The following PTGER3 variants were observed in gnomAD, a reference collection of about 807,000 sequenced individuals.
The protein encoded by PTGER3 is prostaglandin E2 receptor EP3 subtype.
A neutral mutation model predicts 34.7 loss-of-function variants in PTGER3; 22 were observed. The ratio of observed to expected loss-of-function variants is 0.63; its 90% CI spans 0.45 to 0.91. The LOEUF is 0.91. Among genes scored for constraint, PTGER3 ranks in the 40% least tolerant of loss-of-function variants. The pLI is 0.00. For missense variants in PTGER3, 468 were observed against 519.4 expected (o/e 0.90, Z 0.96); for synonymous variants, 241 against 230.1 (o/e 1.05, Z -0.43).
At chr1:71,025,360 C>T (rs1171879016) in intron 1 of PTGER3, among the ~76,000 whole-genome samples, 2 of 151,832 alleles carry the variant, frequency 1.3e-5, no homozygotes, top group African/African-American at 2.4e-5. Flanking sequence ...AAAGGAGAAC[C>T]AAGTATTTAA....
chr1:70,904,017 G>A (rs1484023033), intron 4 of PTGER3, among the ~76,000 whole-genome samples: 2 of 152,188 alleles, frequency 1.3e-5, no homozygotes, highest in African/African-American at 4.8e-5. Context: ...CCAGTGGGAG[G>A]TGATTGAATT....
At chr1:71,004,251 AT>A (rs546758211) in intron 2 of PTGER3, among the ~76,000 whole-genome samples, 9 of 152,130 alleles carry the variant, frequency 5.9e-5, no homozygotes, top group Non-Finnish European at 8.8e-5. Context: ...TTCTAATTGT[AT>A]TTTTTTATCA....
intron 4 of PTGER3, among the ~76,000 whole-genome samples, chr1:70,937,963 C>T (rs1011346042): frequency 6.6e-5 from 10 of 152,124 alleles, no homozygotes; most frequent in South Asian, 2.1e-4. Context: ...AGAGTATTGG[C>T]CTTTATTTTG....
At chr1:71,000,856 C>G (rs1016011519) in intron 2 of PTGER3, among the ~76,000 whole-genome samples, 1 of 152,122 alleles carries the variant, frequency 6.6e-6, no homozygotes, top group African/African-American at 2.4e-5. Flanking sequence ...TTTTCATTAT[C>G]ATGAAAATGC....
intron 4 of PTGER3, among the ~76,000 whole-genome samples, chr1:70,915,869 G>A (rs558083449): frequency 5.3e-5 from 8 of 151,736 alleles, no homozygotes; most frequent in African/African-American, 1.7e-4. Context: ...CAATTGCAAC[G>A]AAAACAAAAA....
chr1:70,905,976 TG>T (rs1646938811), intron 4 of PTGER3, among the ~76,000 whole-genome samples: 1 of 152,108 alleles, frequency 6.6e-6, no homozygotes, highest in African/African-American at 2.4e-5. Context: ...GATTGAATTA[TG>T]GGGGTGGCTC....
chr1:71,003,192 G>A (rs74715496), intron 2 of PTGER3, among the ~76,000 whole-genome samples: 13,949 of 152,098 alleles, frequency 0.092, 792 homozygotes, highest in African/African-American at 0.15. Context: ...TTTGTAAGAC[G>A]GTCTGTGACT....
intron 1 of PTGER3, among the ~76,000 whole-genome samples, chr1:71,032,679 C>T (rs2300177): frequency 0.16 from 24,380 of 152,202 alleles, 2,787 homozygotes; most frequent in East Asian, 0.44. Context: ...ATAAGGCCAC[C>T]TCCACTCTTC....
At chr1:70,959,603 C>T (rs1012793962) in intron 2 of PTGER3, among the ~76,000 whole-genome samples, 13 of 152,192 alleles carry the variant, frequency 8.5e-5, no homozygotes, top group Middle Eastern at 3.4e-3. Context: ...TCGAATGATC[C>T]GTCTGCCACA....
chr1:70,871,884 A>G (rs1646170447), intron 4 of PTGER3, among the ~76,000 whole-genome samples: 3 of 152,134 alleles, frequency 2.0e-5, no homozygotes, highest in South Asian at 4.1e-4. Flanking sequence ...ATTTTAGCTT[A>G]CCAAAAGTTA....
chr1:70,957,304 C>A (rs2100611463), intron 2 of PTGER3, among the ~76,000 whole-genome samples: 1 of 152,274 alleles, frequency 6.6e-6, no homozygotes, highest in Non-Finnish European at 1.5e-5. Context: ...TCTGACTATT[C>A]AAAGCAGTGA....
rs1043333865 is a variant in PTGER3 at position 70,852,732 on chromosome 1, G to T, written c.*151C>A. On this transcript the variant is annotated 3_prime_UTR_variant, in exon 5 of 5. Coordinates refer to the PTGER3 transcript ENST00000370931. ...TTTGGGGGTGGGCTTGGGGGAAGAA[G>T]TAAAAGAGAATAGTTTGGGAGGTGG... The T allele has an allele frequency of 2.9e-5, 39 of 1,366,018 alleles. No individual in the cohort carries two copies. The East Asian group carries it at 8.7e-4, about 31-fold the overall frequency. The allele number at this position is 1,366,018 out of a possible 1,614,324, so 84.6% of individuals were successfully genotyped here.
chr1:70,876,948 G>A (rs1201006445), intron 4 of PTGER3, among the ~76,000 whole-genome samples: 1 of 151,960 alleles, frequency 6.6e-6, no homozygotes, highest in Admixed American at 6.5e-5. Flanking sequence ...GCTCTTTTTT[G>A]GCTCCATATG....
intron 4 of PTGER3, among the ~76,000 whole-genome samples, chr1:70,896,685 G>A (rs1245506706): frequency 6.6e-6 from 1 of 152,108 alleles, no homozygotes; most frequent in Non-Finnish European, 1.5e-5. Flanking sequence ...TAAAATCACA[G>A]AGTCTGAAAA....
intron 2 of PTGER3, chr1:71,010,441 TAGAC>T (rs1657339963): frequency 2.0e-6 from 2 of 984,190 alleles, no homozygotes; most frequent in Non-Finnish European, 2.4e-6. Flanking sequence ...AAATATGTAT[TAGAC>T]AGTTTCTATA....
intron 4 of PTGER3, among the ~76,000 whole-genome samples, chr1:70,881,012 T>A (rs1417247693): frequency 6.6e-6 from 1 of 152,238 alleles, no homozygotes. Flanking sequence ...CCAAGTTGCT[T>A]GCTTTCTCTC....
intron 1 of PTGER3, among the ~76,000 whole-genome samples, chr1:71,036,695 C>T (rs537694382): frequency 5.9e-5 from 9 of 151,856 alleles, no homozygotes; most frequent in African/African-American, 1.7e-4. Flanking sequence ...AAAAACTAGC[C>T]GGGTGTGGTG....
At chr1:70,989,260 G>C (rs1655212075) in intron 2 of PTGER3, among the ~76,000 whole-genome samples, 1 of 152,164 alleles carries the variant, frequency 6.6e-6, no homozygotes, top group Non-Finnish European at 1.5e-5. Flanking sequence ...TAAGGATAAT[G>C]ATAACAGCAG....
chr1:70,985,278 A>G (rs1227275417), intron 2 of PTGER3, among the ~76,000 whole-genome samples: 2 of 152,124 alleles, frequency 1.3e-5, no homozygotes, highest in Non-Finnish European at 2.9e-5. Flanking sequence ...GTGTGTGGAC[A>G]TGAAGGAGAA....
Sources: allele counts gnomAD v4.1 joint callset (sites outside exome capture counted in the v4.1 genomes callset), GRCh38; gene constraint gnomAD v4.1.1; transcripts MANE v1.5; gene names NCBI Gene and HGNC (gene_info 2026-07-23, HGNC 2026-07-21).